Variants in CTTN observed in about 807,000 individuals in gnomAD.
CTTN encodes cortactin.
A neutral mutation model predicts 84.0 loss-of-function variants in CTTN; 28 were observed. The observed-to-expected ratio is 0.33, with a 90% confidence interval of 0.25 to 0.46. CTTN has a LOEUF of 0.46. CTTN is among the 20% of genes least tolerant of loss of function. The pLI is 1.00. For missense variants in CTTN, 641 were observed against 723.8 expected (o/e 0.89, Z 1.31); for synonymous variants, 301 against 288.8 (o/e 1.04, Z -0.43).
At position 70,429,133 on chromosome 11, in the gene CTTN, G is replaced by A. The variant is rs766029924; in HGVS notation, c.1110G>A (p.Glu370=). The change falls in exon 14 of 18, where the codon GAG becomes GAA. Residue 370 remains glutamate, a synonymous_variant. Coordinates refer to ENST00000301843, the MANE Select transcript of CTTN (RefSeq NM_005231.4). The stretch of plus-strand genomic sequence containing the variant: ...AGCAGGAGGACAGGCGGAAGGCGGA[G>A]GCGGAGAGAGCCCAGCGGATGGCCA... ...EKEQEDRRKA[E]AERAQRMAKE... 2.5e-6 allele frequency: 4 copies of A among 1,614,026 alleles called. No homozygotes were observed. The African/African-American group carries it at 5.3e-5, about 22-fold the overall frequency.
chr11:70,435,516 A>G lies in CTTN; in HGVS notation c.*354A>G. The G allele has an allele frequency of 2.6e-6, 4 of 1,560,938 alleles. No homozygotes were observed. On this transcript the variant is annotated 3_prime_UTR_variant, in exon 18 of 18. Transcript: ENST00000301843. ...GTTCGTGTTGCCCTCGTGCCCATCA[A>G]GTGCAGTCGGGACCTCCCAGGACAA...
At chr11:70,406,346 G>T (rs2058041055) in intron 2 of CTTN, among the ~76,000 whole-genome samples, 2 of 152,126 alleles carry the variant, frequency 1.3e-5, no homozygotes, top group South Asian at 2.1e-4. Flanking sequence ...GATTCAGGGC[G>T]CTAGAGTCCC....
chr11:70,429,485 C>T (rs998420509), intron 14 of CTTN, among the ~76,000 whole-genome samples: 2 of 152,314 alleles, frequency 1.3e-5, no homozygotes, highest in Admixed American at 6.5e-5. Flanking sequence ...CCTGAGCTGA[C>T]GGCAGAGTCT....
Position 70,435,291 on chromosome 11 carries a change from G to A in CTTN, c.*129G>A. 7.2e-6 allele frequency: 10 copies of A among 1,386,090 alleles called. No homozygotes were observed. The highest frequency in any genetic ancestry group is 9.3e-6 in the Non-Finnish European group (10 of 1,070,518). 85.9% of individuals were successfully genotyped at this position (1,386,090 alleles called of 1,614,324 possible). A position where few individuals can be genotyped will look rare whatever the true frequency, so the allele number is the denominator to read the frequency against. On this transcript the variant is annotated 3_prime_UTR_variant, in exon 18 of 18. Transcript: ENST00000301843. ...TTTTTTTTTTTTTGAAGGTGGGGAG[G>A]GGAATATACACATTGCTTTTATATT... is the stretch of plus-strand genomic sequence containing the variant.
intron 11 of CTTN, chr11:70,422,013 G>T: frequency 4.7e-6 from 1 of 213,836 alleles, no homozygotes; most frequent in Non-Finnish European, 9.5e-6. Context: ...GGGCTTCGTA[G>T]CAGCAAGGGC....
At chr11:70,415,278 G>T (rs1469106338) in intron 6 of CTTN, among the ~76,000 whole-genome samples, 1 of 152,214 alleles carries the variant, frequency 6.6e-6, no homozygotes, top group Admixed American at 6.5e-5. Flanking sequence ...GCAGTGCCTG[G>T]CTGGTGGGAG....
chr11:70,433,365 C>A, intron 16 of CTTN, 87 bp downstream of exon 16: 1 of 1,356,362 alleles, frequency 7.4e-7, no homozygotes, highest in South Asian at 1.4e-5. Context: ...TTGCGAGGAG[C>A]GTGGGTTTCC....
intron 4 of CTTN, 130 bp from the exon 5 acceptor site, chr11:70,409,701 C>T (rs1210862634): frequency 1.9e-5 from 20 of 1,028,192 alleles, no homozygotes; most frequent in South Asian, 2.9e-5. Context: ...GGGAGAGAAT[C>T]GGTGAACATC....
Position 70,422,985 on chromosome 11 carries a change from G to T in CTTN, c.947G>T (p.Arg316Leu), listed in dbSNP as rs750592842. Residue 316 changes from arginine (R) to leucine (L), a missense_variant, in exon 12 of 18, where the codon CGG becomes CTG. Physicochemically the swap from Arg to Leu is moderately radical, Grantham distance 102. Coordinates refer to ENST00000301843, the MANE Select transcript of CTTN (RefSeq NM_005231.4). ...GGGAAGTATGGGGTGCAGAAGGATC[G>T]GATGGATAAGGTAAATATTCCAGCC... ...FGGKYGVQKD[R>L]MDKNASTFED... 2.0e-5 allele frequency: 32 copies of T among 1,613,856 alleles called. No homozygotes were observed. The highest frequency in any genetic ancestry group is 3.3e-5 in the South Asian group (3 of 91,072).
In CTTN at chr11:70,417,004, T is replaced by C. The variant is rs760556391; in HGVS notation, c.458-9T>C. The C allele has an allele frequency of 1.9e-6, 3 of 1,611,394 alleles. No individual in the cohort carries two copies. In the South Asian group the frequency reaches 3.3e-5, roughly 18 times the overall value. ...GGCCCCCGTGCTAATTGCTGCCCTG[T>C]CTCTCCAGACTACTCCAGTGGTTTT... On this transcript the variant is annotated splice_polypyrimidine_tract_variant and intron_variant, in intron 7 of 17. Transcript: ENST00000301843.
rs1238508400 is a variant in CTTN, at chr11:70,398,997, G to T, written c.-98+383G>T. On this transcript the variant is annotated intron_variant, in intron 1 of 17. Transcript: ENST00000301843. ...CAGGAGAGGGGCCAGGCTGGGAGGG[G>T]TCTTGGGTCCGAGGGAATAGGAGAG... Among the ~76,000 whole-genome samples, 3 of 148,356 alleles carry T rather than the reference G, an allele frequency of 2.0e-5. No homozygotes were observed. In the East Asian group the frequency reaches 6.1e-4, roughly 30 times the overall value.
At chr11:70,404,999 T>C (rs949655869) in intron 1 of CTTN, among the ~76,000 whole-genome samples, 6 of 152,156 alleles carry the variant, frequency 3.9e-5, no homozygotes, top group Non-Finnish European at 7.4e-5. Context: ...TGAAACTCCA[T>C]CTCAAAAAAA....
chr11:70,434,136 A>C (rs34959377), intron 17 of CTTN, among the ~76,000 whole-genome samples: 1 of 152,128 alleles, frequency 6.6e-6, no homozygotes, highest in East Asian at 1.9e-4. Context: ...TGTGGCCTGC[A>C]CGTTCCCCTG....
At chr11:70,428,953 C>T (rs559828912) in intron 13 of CTTN, 98 bp from the exon 14 acceptor site, 35 of 1,435,954 alleles carry the variant, frequency 2.4e-5, no homozygotes, top group Middle Eastern at 2.0e-4. Flanking sequence ...GGGGGATGAC[C>T]GGTTCCTGGG....
chr11:70,430,486 C>G (rs1006561024), intron 14 of CTTN, among the ~76,000 whole-genome samples: 21 of 152,210 alleles, frequency 1.4e-4, no homozygotes, highest in African/African-American at 4.6e-4. Flanking sequence ...ACCGCCCCTC[C>G]TCTGTCCCTC....
At chr11:70,407,170 G>T in intron 2 of CTTN, 128 bp from the exon 3 acceptor site, 1 of 683,394 alleles carries the variant, frequency 1.5e-6, no homozygotes, top group Non-Finnish European at 2.5e-6. Flanking sequence ...ATGAAGGATT[G>T]GCTGGTCCTG....
intron 13 of CTTN, among the ~76,000 whole-genome samples, chr11:70,426,839 A>T (rs2058306401): frequency 6.6e-6 from 1 of 151,564 alleles, no homozygotes; most frequent in Non-Finnish European, 1.5e-5. Context: ...TGACCTCATG[A>T]TCTGCCCGCC....
intron 1 of CTTN, among the ~76,000 whole-genome samples, chr11:70,402,949 T>A (rs2058003354): frequency 1.3e-5 from 2 of 152,198 alleles, no homozygotes; most frequent in Admixed American, 1.3e-4. Flanking sequence ...GCTTCCAGTT[T>A]TTCAACACTG....
intron 5 of CTTN, 82 bp from the exon 6 acceptor site, chr11:70,414,460 C>T (rs2058134204): frequency 9.7e-7 from 1 of 1,027,068 alleles, no homozygotes. Flanking sequence ...AGGATGTGGC[C>T]TCCCCCAGCC....
Sources: gnomAD v4.1 joint callset for allele counts (sites outside exome capture counted in the v4.1 genomes callset) on GRCh38, gnomAD v4.1.1 for gene constraint, MANE v1.5 for transcripts, NCBI Gene and HGNC (gene_info 2026-07-23, HGNC 2026-07-21) for gene names.